The following JPH1 variants were observed in gnomAD, a reference collection of about 807,000 sequenced individuals.
JPH1 encodes junctophilin 1, also known as junctophilin-1.
In JPH1, 12 loss-of-function variants were observed where a neutral mutation model predicts 53.6. The ratio of observed to expected loss-of-function variants is 0.22; its 90% confidence interval spans 0.14 to 0.36. JPH1 has a LOEUF of 0.36. Among genes scored for constraint, JPH1 ranks in the 10% least tolerant of loss-of-function variants. The probability of loss-of-function intolerance (pLI) is 1.00; values close to 1 mark genes in which losing one functional copy is unlikely to be tolerated. For synonymous variants in JPH1, 375 were observed against 363.8 expected (o/e 1.03, Z -0.35); for missense variants, 808 against 905.5 (o/e 0.89, Z 1.38).
At chr8:74,308,047 A>C (rs902464211) in intron 2 of JPH1, among the ~76,000 whole-genome samples, 1 of 152,242 alleles carries the variant, frequency 6.6e-6, no homozygotes, top group African/African-American at 2.4e-5. Context: ...TTTATGTGTT[A>C]AATTAAATGA....
At chr8:74,246,467 G>T (rs975959758) in intron 3 of JPH1, among the ~76,000 whole-genome samples, 31 of 152,118 alleles carry the variant, frequency 2.0e-4, no homozygotes, top group African/African-American at 7.0e-4. Flanking sequence ...ATGGTGGTCT[G>T]AGTAATAAGT....
intron 2 of JPH1, among the ~76,000 whole-genome samples, chr8:74,314,659 AT>A (rs995901453): frequency 1.3e-4 from 20 of 152,188 alleles, no homozygotes; most frequent in African/African-American, 4.6e-4. Context: ...TGCCTTCGAC[AT>A]TTTTTGATGA....
At chr8:74,262,379 A>C (rs1448801282) in intron 2 of JPH1, among the ~76,000 whole-genome samples, 1 of 152,166 alleles carries the variant, frequency 6.6e-6, no homozygotes, top group Admixed American at 6.5e-5. Context: ...GTAATCAGTC[A>C]ATTGCGATTG....
rs372918997 is a variant in JPH1 at position 74,245,074 on chromosome 8, G to C, written c.1360C>G (p.His454Asp). The C allele has an allele frequency of 1.7e-5, 27 of 1,613,658 alleles. No individual in the cohort carries two copies. The African/African-American group carries it at 3.2e-4, about 19-fold the overall frequency. ...GGTGTCGTGCCTTTGCGATAAAAAT[G>C]AGGAGACTCCTTTGGTGTAGGTGGC... ...EKPPTPKESP[H>D]FYRKGTTPPR... The change falls in exon 4 of 6, where the codon CAT becomes GAT. Residue 454 changes from histidine (H) to aspartate (D), a missense_variant. His to Asp is a moderately conservative substitution (Grantham distance 81). Transcript: ENST00000342232.
chr8:74,290,383 G>A (rs988416119), intron 2 of JPH1, among the ~76,000 whole-genome samples: 2 of 152,148 alleles, frequency 1.3e-5, no homozygotes, highest in African/African-American at 4.8e-5. Flanking sequence ...ATTCACAATT[G>A]CTACAAAGAG....
At chr8:74,257,269 T>C (rs1483564651) in intron 3 of JPH1, among the ~76,000 whole-genome samples, 1 of 152,184 alleles carries the variant, frequency 6.6e-6, no homozygotes, top group Non-Finnish European at 1.5e-5. Flanking sequence ...CTGTTTTAGC[T>C]AAGAAAGGGT....
intron 2 of JPH1, among the ~76,000 whole-genome samples, chr8:74,313,556 A>T (rs1017457357): frequency 2.6e-5 from 2 of 78,190 alleles, no homozygotes; most frequent in African/African-American, 8.4e-5. Flanking sequence ...TAGAGGAATT[A>T]AAAAAAAAAG....
chr8:74,257,902 C>A (rs566320011), intron 3 of JPH1, among the ~76,000 whole-genome samples: 1 of 152,110 alleles, frequency 6.6e-6, no homozygotes, highest in Non-Finnish European at 1.5e-5. Flanking sequence ...CCCTCCCCAG[C>A]CTTTCTCTTA....
intron 4 of JPH1, among the ~76,000 whole-genome samples, chr8:74,244,030 C>T (rs1805772241): frequency 6.6e-6 from 1 of 152,202 alleles, no homozygotes; most frequent in Non-Finnish European, 1.5e-5. Context: ...AAAGTCCAAA[C>T]TACGTATGTA....
In JPH1 at chr8:74,296,358, C is replaced by T. The variant is rs73343348; in HGVS notation, c.1139+18503G>A. 3.9e-3 allele frequency among the ~76,000 whole-genome samples: 596 copies of T among 152,220 alleles called. 4 individuals are homozygous for T. Among genetic ancestry groups the T allele is most frequent in the African/African-American group, 0.013 (553 of 41,540 alleles). ...GCAAACATTTTATTCTGGGTACAAA[C>T]CCAAAGTTAGTTCTCATTAAAAATG... On this transcript the variant is annotated intron_variant, in intron 2 of 5. Coordinates refer to ENST00000342232, the MANE Select transcript of JPH1 (RefSeq NM_020647.4).
intron 4 of JPH1, among the ~76,000 whole-genome samples, chr8:74,243,203 T>C (rs769568463): frequency 6.6e-6 from 1 of 152,258 alleles, no homozygotes. Flanking sequence ...AGTAAGCTAT[T>C]ACATTTAACA....
chr8:74,259,410 C>T lies in JPH1; in HGVS notation c.1233G>A (p.Glu411=). The T allele has an allele frequency of 6.2e-7, 1 of 1,613,934 alleles. No individual in the cohort carries two copies. The part of the protein sequence containing the change: ...ECDIARAVAR[E]LSPDFYQPGP... ...CTGGTTGGTAGAAATCAGGTGACAG[C>T]TCCCTGGCCACAGCTCTCGCGATGT... The change falls in exon 3 of 6, where the codon GAG becomes GAA. Residue 411 remains glutamate, a synonymous_variant. Transcript: ENST00000342232.
chr8:74,253,802 A>T (rs1806138837), intron 3 of JPH1, among the ~76,000 whole-genome samples: 1 of 152,142 alleles, frequency 6.6e-6, no homozygotes, highest in Non-Finnish European at 1.5e-5. Context: ...GAAGAAATGG[A>T]TAAATTCCTT....
At chr8:74,243,654 C>A (rs1450911318) in intron 4 of JPH1, among the ~76,000 whole-genome samples, 1 of 152,156 alleles carries the variant, frequency 6.6e-6, no homozygotes, top group Non-Finnish European at 1.5e-5. Context: ...ACTTTCAACA[C>A]CTCTGTTCTA....
chr8:74,251,697 C>G (rs1330007423), intron 3 of JPH1, among the ~76,000 whole-genome samples: 2 of 151,962 alleles, frequency 1.3e-5, no homozygotes, highest in Non-Finnish European at 1.5e-5. Context: ...CTTTTATAAT[C>G]AAGAGGCTAT....
chr8:74,302,382 T>C (rs1044771846), intron 2 of JPH1, among the ~76,000 whole-genome samples: 8 of 152,222 alleles, frequency 5.3e-5, no homozygotes, highest in African/African-American at 1.7e-4. Context: ...CACCCAAAAT[T>C]GTATCTTATG....
chr8:74,316,999 GTCTTGACC>G (rs370213872), intron 1 of JPH1, among the ~76,000 whole-genome samples: 4 of 152,282 alleles, frequency 2.6e-5, no homozygotes, highest in African/African-American at 9.6e-5. Context: ...TGATTAGTCT[GTCTTGACC>G]TCTTTCCATT....
At chr8:74,242,788 A>G (rs1405642673) in intron 4 of JPH1, among the ~76,000 whole-genome samples, 1 of 152,204 alleles carries the variant, frequency 6.6e-6, no homozygotes, top group Non-Finnish European at 1.5e-5. Flanking sequence ...TGGGGTGTAG[A>G]GGGGTACCCT....
At chr8:74,266,110 AC>A (rs1444131195) in intron 2 of JPH1, among the ~76,000 whole-genome samples, 7 of 151,562 alleles carry the variant, frequency 4.6e-5, no homozygotes, top group African/African-American at 1.5e-4. Context: ...CACCAATCCT[AC>A]TTTTCAGTAT....
Sources: gnomAD v4.1 joint callset for allele counts (sites outside exome capture counted in the v4.1 genomes callset) on GRCh38, gnomAD v4.1.1 for gene constraint, MANE v1.5 for transcripts, NCBI Gene and HGNC (gene_info 2026-07-23, HGNC 2026-07-21) for gene names.